Variants in BICRAL observed in about 807,000 individuals in gnomAD.
BICRAL encodes the protein BICRA like chromatin remodeling complex associated protein.
BICRAL carries 8 observed loss-of-function variants against 91.8 expected under a neutral mutation model. The observed-to-expected ratio is 0.09, with a 90% CI of 0.05 to 0.16. The LOEUF is 0.16. Ranked by LOEUF, BICRAL falls within the 10% of genes least tolerant of loss-of-function variation. The pLI, the probability that BICRAL is intolerant of heterozygous loss-of-function variation, is 1.00. For missense variants in BICRAL, 1,038 were observed against 1,310.9 expected (o/e 0.79, Z 3.21); for synonymous variants, 445 against 491.1 (o/e 0.91, Z 1.24).
Position 42,864,879 on chromosome 6 carries a change from A to G in BICRAL, c.2673A>G (p.Gly891=), listed in dbSNP as rs746679229. Residue 891 remains glycine (G), a synonymous_variant, in exon 13 of 13, where the codon GGA becomes GGG. Coordinates refer to ENST00000314073, the MANE Select transcript of BICRAL (RefSeq NM_001393499.1). ...VPNHIVVSAE[G]NISKKTECLG... ...ATCACATCGTGGTCTCTGCAGAAGG[A>G]AACATTTCTAAAAAAACAGAATGCC... The G allele has an allele frequency of 5.0e-6, 8 of 1,614,166 alleles. No individual in the cohort carries two copies. The South Asian group carries it at 8.8e-5, about 18-fold the overall frequency.
intron 1 of BICRAL, among the ~76,000 whole-genome samples, chr6:42,769,317 ATAGACTCTCTGAG>A (rs1208315795): frequency 6.6e-6 from 1 of 152,208 alleles, no homozygotes; most frequent in African/African-American, 2.4e-5. Context: ...GGGTCTGTCC[ATAGACTCTCTGAG>A]TGTCCTCATG....
At chr6:42,838,616 T>C (rs1764704615) in intron 6 of BICRAL, among the ~76,000 whole-genome samples, 1 of 152,240 alleles carries the variant, frequency 6.6e-6, no homozygotes, top group Non-Finnish European at 1.5e-5. Flanking sequence ...ATAATGATTT[T>C]ATAATTGTAG....
chr6:42,835,664 G>A (rs1483945615), intron 6 of BICRAL, among the ~76,000 whole-genome samples: 6 of 152,142 alleles, frequency 3.9e-5, no homozygotes, highest in Non-Finnish European at 8.8e-5. Flanking sequence ...TGGTTGCGGT[G>A]TCTCATGCCT....
chr6:42,863,961 C>T (rs1363331020), intron 12 of BICRAL, among the ~76,000 whole-genome samples: 1 of 151,992 alleles, frequency 6.6e-6, no homozygotes, highest in Non-Finnish European at 1.5e-5. Flanking sequence ...GTCAGGAGTT[C>T]GAGACCATCC....
At chr6:42,754,386 A>G (rs1762426608) in intron 1 of BICRAL, among the ~76,000 whole-genome samples, 1 of 151,576 alleles carries the variant, frequency 6.6e-6, no homozygotes, top group Non-Finnish European at 1.5e-5. Flanking sequence ...GTTAGTCAGG[A>G]TGGTCTGGAT....
rs545170374 is a variant in BICRAL at position 42,794,031 on chromosome 6, C to T, written c.-102+11930C>T. ...ATTTTTAAAATGTAAAACTATGTTACTTGTTTATAAATCAGATTAAAAGAA... is the reference window on the plus strand; with the variant it reads ...ATTTTTAAAATGTAAAACTATGTTATTTGTTTATAAATCAGATTAAAAGAA... On this transcript the variant is annotated intron_variant, in intron 1 of 12. Transcript: ENST00000314073. 2.9e-3 allele frequency among the ~76,000 whole-genome samples: 433 copies of T among 149,202 alleles called. 3 individuals carry two copies. The highest frequency in any genetic ancestry group is 6.1e-3 in the South Asian group (29 of 4,742).
At chr6:42,760,499 TAAGA>T (rs1762528245) in intron 1 of BICRAL, among the ~76,000 whole-genome samples, 1 of 152,070 alleles carries the variant, frequency 6.6e-6, no homozygotes, top group African/African-American at 2.4e-5. Flanking sequence ...CTGTTGACTC[TAAGA>T]GAGAGTAATA....
At chr6:42,772,188 A>G (rs1350152096) in intron 1 of BICRAL, among the ~76,000 whole-genome samples, 1 of 152,128 alleles carries the variant, frequency 6.6e-6, no homozygotes, top group African/African-American at 2.4e-5. Flanking sequence ...ATAGAATGAA[A>G]TACATCAAGA....
At chr6:42,856,162 C>G (rs1415376431) in intron 9 of BICRAL, among the ~76,000 whole-genome samples, 1 of 151,526 alleles carries the variant, frequency 6.6e-6, no homozygotes, top group African/African-American at 2.4e-5. Context: ...GCAAAAAATA[C>G]AAAAATTAGC....
chr6:42,848,115 T>G (rs1765074099), intron 6 of BICRAL, among the ~76,000 whole-genome samples: 1 of 144,504 alleles, frequency 6.9e-6, no homozygotes, highest in South Asian at 2.2e-4. Context: ...GGCGACAGAG[T>G]GAGACTCTGT....
At chr6:42,788,170 G>GAAGGTGAGACT (rs1486699887) in intron 1 of BICRAL, among the ~76,000 whole-genome samples, 1 of 151,032 alleles carries the variant, frequency 6.6e-6, no homozygotes, top group African/African-American at 2.4e-5. Flanking sequence ...ATTTAATAGA[G>GAAGGTGAGACT]AAGGTGAGAC....
chr6:42,789,209 T>C (rs1763195021), intron 1 of BICRAL, among the ~76,000 whole-genome samples: 1 of 152,200 alleles, frequency 6.6e-6, no homozygotes, highest in African/African-American at 2.4e-5. Context: ...TTCACAGCAA[T>C]GTGAATGTAT....
At chr6:42,774,448 C>T (rs1322774521) in intron 1 of BICRAL, among the ~76,000 whole-genome samples, 1 of 152,152 alleles carries the variant, frequency 6.6e-6, no homozygotes, top group Admixed American at 6.5e-5. Context: ...AGTAACTCAT[C>T]GCATTTTCAC....
At chr6:42,766,348 A>C (rs543402985) in intron 1 of BICRAL, among the ~76,000 whole-genome samples, 2 of 152,304 alleles carry the variant, frequency 1.3e-5, no homozygotes, top group African/African-American at 4.8e-5. Flanking sequence ...TCAGGACCAG[A>C]TTCTGCTTCT....
chr6:42,844,736 A>G (rs139501622), intron 6 of BICRAL, among the ~76,000 whole-genome samples: 185 of 152,192 alleles, frequency 1.2e-3, no homozygotes, highest in African/African-American at 4.0e-3. Flanking sequence ...GAGCATAGAC[A>G]GCTGTCAGAT....
Position 42,865,255 on chromosome 6 carries a change from C to T in BICRAL, c.3049C>T (p.Leu1017Phe). The T allele has an allele frequency of 6.2e-7, 1 of 1,614,124 alleles. No homozygotes were observed. Among genetic ancestry groups the T allele is most frequent in the Non-Finnish European group, 8.5e-7 (1 of 1,180,002 alleles). The stretch of plus-strand genomic sequence containing the variant: ...AACCACATTTAAGAACATCTTGGAA[C>T]TCAAAAAGGCGGGACGGCAGCCCCA... ...LETTFKNILE[L>F]KKAGRQPQSD... Residue 1017 changes from leucine to phenylalanine, a missense_variant, in exon 13 of 13, where the codon CTC becomes TTC. This residue lies in a region of BICRAL where 92 missense variants were observed against 147.8 expected (regional missense o/e 0.62). Coordinates refer to ENST00000314073, the MANE Select transcript of BICRAL (RefSeq NM_001393499.1).
At chr6:42,809,105 C>T (rs984868337) in intron 1 of BICRAL, among the ~76,000 whole-genome samples, 2 of 149,056 alleles carry the variant, frequency 1.3e-5, no homozygotes, top group Non-Finnish European at 3.0e-5. Context: ...GCCCCCGGCA[C>T]CCCCCCCAAC....
At chr6:42,774,322 G>A (rs1035692974) in intron 1 of BICRAL, among the ~76,000 whole-genome samples, 14 of 152,176 alleles carry the variant, frequency 9.2e-5, no homozygotes, top group Non-Finnish European at 8.8e-5. Flanking sequence ...AGTATCCAGG[G>A]GTTGGTCTAG....
Position 42,868,180 on chromosome 6 carries a change from A to T in BICRAL, c.*2734A>T, listed in dbSNP as rs556937398. The T allele has an allele frequency of 6.6e-6, 1 of 152,114 alleles. No individual in the cohort carries two copies. The highest frequency in any genetic ancestry group is 6.6e-5 in the Admixed American group (1 of 15,210). 9.4% of individuals were successfully genotyped at this position (152,114 alleles called of 1,614,324 possible). ...GATGAAGCAAAATTTTAATCTGGCA[A>T]TTATGAAAAAGAAATATTTTAGCTC... is the stretch of plus-strand genomic sequence containing the variant. On this transcript the variant is annotated 3_prime_UTR_variant, in exon 13 of 13. Coordinates refer to ENST00000314073, the MANE Select transcript of BICRAL (RefSeq NM_001393499.1).
Sources: gnomAD v4.1 joint callset for allele counts (sites outside exome capture counted in the v4.1 genomes callset) on GRCh38, gnomAD v4.1.1 for gene constraint, gnomAD v4.1.1 regional missense constraint, MANE v1.5 for transcripts, NCBI Gene and HGNC (gene_info 2026-07-23, HGNC 2026-07-21) for gene names.